MRAP2: variants seen among roughly 807,000 people sequenced by gnomAD.
MRAP2 encodes the protein melanocortin 2 receptor accessory protein 2, also known as melanocortin-2 receptor accessory protein 2.
In MRAP2, 20 loss-of-function variants were observed where a neutral mutation model predicts 17.4. That is an observed-to-expected ratio of 1.15 (90% CI 0.81 to 1.67). MRAP2 has a LOEUF of 1.67. MRAP2 is among the 40% of genes most tolerant of loss of function. The pLI is 0.00. For synonymous variants in MRAP2, 96 were observed against 88.4 expected, an observed-to-expected ratio of 1.09 and a Z score of -0.48; for missense variants, 238 against 240.0, an observed-to-expected ratio of 0.99 and a Z score of 0.05.
intron 1 of MRAP2, among the ~76,000 whole-genome samples, chr6:84,044,154 C>G (rs2099488372): frequency 6.6e-6 from 1 of 152,168 alleles, no homozygotes; most frequent in Non-Finnish European, 1.5e-5. Flanking sequence ...CAAAATACCA[C>G]AGACTGGGTA....
At chr6:84,070,078 T>C (rs961799821) in intron 3 of MRAP2, among the ~76,000 whole-genome samples, 2 of 152,148 alleles carry the variant, frequency 1.3e-5, no homozygotes, top group Admixed American at 1.3e-4. Context: ...TTTTTTTGGT[T>C]TCAATTTCAT....
chr6:84,102,709 G>A, the MRAP2 span, among the ~76,000 whole-genome samples: 1 of 152,132 alleles, frequency 6.6e-6, no homozygotes, highest in Non-Finnish European at 1.5e-5. Flanking sequence ...ATTTATGTAA[G>A]ACATTAGAGG....
chr6:84,069,726 A>G (rs1254396449), intron 3 of MRAP2, among the ~76,000 whole-genome samples: 1 of 151,846 alleles, frequency 6.6e-6, no homozygotes, highest in African/African-American at 2.4e-5. Flanking sequence ...CTGGTTCTGG[A>G]CTTTTTTTAT....
intron 2 of MRAP2, 53 bp from the exon 3 acceptor site, chr6:84,062,840 T>C: frequency 1.2e-6 from 2 of 1,611,104 alleles, no homozygotes; most frequent in South Asian, 2.2e-5. Flanking sequence ...TTCTTGAATG[T>C]TCAAGTTTTA....
At chr6:84,036,095 T>G (rs1016595622) in intron 1 of MRAP2, among the ~76,000 whole-genome samples, 8 of 152,066 alleles carry the variant, frequency 5.3e-5, no homozygotes. Context: ...GATTACCAGA[T>G]AATGCCTCAT....
the MRAP2 span, among the ~76,000 whole-genome samples, chr6:84,130,563 A>C: frequency 1.3e-5 from 2 of 152,014 alleles, no homozygotes. Flanking sequence ...CAGGGATTCG[A>C]CTTCTTCCTC....
At chr6:84,135,333 T>C in the MRAP2 span, among the ~76,000 whole-genome samples, 27 of 152,174 alleles carry the variant, frequency 1.8e-4, no homozygotes, top group Non-Finnish European at 3.4e-4. Flanking sequence ...TTCACCCAGA[T>C]GATGTCACTT....
At chr6:84,132,390 GC>G in the MRAP2 span, among the ~76,000 whole-genome samples, 3 of 152,246 alleles carry the variant, frequency 2.0e-5, no homozygotes, top group South Asian at 6.2e-4. Context: ...ATGTTGTTCT[GC>G]CTTGCTAGGC....
chr6:84,046,586 C>T (rs1358747664), intron 1 of MRAP2, among the ~76,000 whole-genome samples: 1 of 151,836 alleles, frequency 6.6e-6, no homozygotes, highest in Non-Finnish European at 1.5e-5. Context: ...TGGAGATCAT[C>T]CTGGCTAACA....
At chr6:84,113,491 A>G in the MRAP2 span, among the ~76,000 whole-genome samples, 1 of 152,180 alleles carries the variant, frequency 6.6e-6, no homozygotes, top group African/African-American at 2.4e-5. Flanking sequence ...TGCACGTGAC[A>G]TGGGTCTCCT....
the MRAP2 span, among the ~76,000 whole-genome samples, chr6:84,127,292 T>A: frequency 3.3e-5 from 5 of 151,874 alleles, no homozygotes; most frequent in African/African-American, 1.2e-4. Flanking sequence ...AACTCTTGTT[T>A]TCTATGAAAA....
intron 1 of MRAP2, among the ~76,000 whole-genome samples, chr6:84,046,585 TC>T (rs2099489096): frequency 6.6e-6 from 1 of 151,786 alleles, no homozygotes; most frequent in Non-Finnish European, 1.5e-5. Flanking sequence ...ATGGAGATCA[TC>T]CTGGCTAACA....
the MRAP2 span, among the ~76,000 whole-genome samples, chr6:84,142,198 TAA>T: frequency 6.6e-6 from 1 of 152,228 alleles, no homozygotes; most frequent in East Asian, 1.9e-4. Flanking sequence ...TGAAAAATTT[TAA>T]GTCTTCCTCA....
At chr6:84,060,852 ATTTTTTTTTTTT>A (rs771171189) in intron 2 of MRAP2, among the ~76,000 whole-genome samples, 1 of 119,548 alleles carries the variant, frequency 8.4e-6, no homozygotes, top group South Asian at 2.6e-4. Flanking sequence ...CACCCGGCTA[ATTTTTTTTTTTT>A]TTTTTTTTGT....
chr6:84,039,260 C>T (rs2099486901), intron 1 of MRAP2, among the ~76,000 whole-genome samples: 1 of 152,290 alleles, frequency 6.6e-6, no homozygotes, highest in East Asian at 1.9e-4. Context: ...AAAGTCGTGA[C>T]TTGTTTTCAG....
At chr6:84,037,372 G>C (rs1173627756) in intron 1 of MRAP2, among the ~76,000 whole-genome samples, 1 of 152,222 alleles carries the variant, frequency 6.6e-6, no homozygotes, top group East Asian at 1.9e-4. Flanking sequence ...AGACATAAAA[G>C]TTCTCCAAGT....
intron 3 of MRAP2, among the ~76,000 whole-genome samples, chr6:84,065,809 T>A (rs905977802): frequency 6.6e-6 from 1 of 152,200 alleles, no homozygotes; most frequent in Non-Finnish European, 1.5e-5. Context: ...TTACCCTCCA[T>A]GCTGTGAGTG....
chr6:84,045,382 A>C, intron 1 of MRAP2: 1 of 985,340 alleles, frequency 1.0e-6, no homozygotes, highest in Non-Finnish European at 1.2e-6. Context: ...CCTGCCCCCA[A>C]GACCTCTGTG....
At chr6:84,037,132 C>A (rs2099486272) in intron 1 of MRAP2, among the ~76,000 whole-genome samples, 1 of 151,866 alleles carries the variant, frequency 6.6e-6, no homozygotes. Flanking sequence ...ACACAGAGCA[C>A]TGATTGTTGC....
Sources: gnomAD v4.1 joint callset for allele counts (sites outside exome capture counted in the v4.1 genomes callset) on GRCh38, gnomAD v4.1.1 for gene constraint, MANE v1.5 for transcripts, NCBI Gene and HGNC (gene_info 2026-07-23, HGNC 2026-07-21) for gene names.